The following KNTC1 variants were observed in gnomAD, a reference collection of about 807,000 sequenced individuals.
KNTC1 encodes kinetochore associated 1.
KNTC1 carries 253 observed loss-of-function variants against 314.4 expected under a neutral mutation model. That is an observed-to-expected ratio of 0.80 (90% CI 0.73 to 0.89). The LOEUF is 0.89. Ranked by LOEUF, KNTC1 falls within the 40% of genes least tolerant of loss-of-function variation. The pLI is 0.00. For synonymous variants in KNTC1, 901 were observed against 901.4 expected, an observed-to-expected ratio of 1.00 and a Z score of 0.01; for missense variants, 2,475 against 2,572.9, an observed-to-expected ratio of 0.96 and a Z score of 0.82.
At chr12:122,558,540 G>A (rs1242206347) in intron 18 of KNTC1, among the ~76,000 whole-genome samples, 3 of 151,964 alleles carry the variant, frequency 2.0e-5, no homozygotes, top group African/African-American at 7.3e-5. Flanking sequence ...GACAGAGCAA[G>A]ACTCCGTCTC....
Position 122,584,365 on chromosome 12 carries a change from T to C in KNTC1, c.3351T>C (p.Asn1117=), listed in dbSNP as rs370338706. 6.2e-7 allele frequency: 1 copy of C among 1,613,668 alleles called. No individual in the cohort carries two copies. Among genetic ancestry groups the C allele is most frequent in the Non-Finnish European group, 8.5e-7 (1 of 1,179,572 alleles). Residue 1117 remains asparagine, a synonymous_variant, in exon 35 of 64, where the codon AAT becomes AAC. Transcript: ENST00000333479. ...CQKLCQMLAD[N]VPVTVPVGLN... ...AGCTTTGTCAGATGTTGGCTGATAA[T>C]GTCCCAGTGACAGTGCCTGTGGGAC...
At position 122,591,295 on chromosome 12, in the gene KNTC1, T is replaced by C. The variant is rs149335556; in HGVS notation, c.4129-42T>C. On this transcript the variant is annotated intron_variant, in intron 41 of 63. Transcript: ENST00000333479. ...GTCTAAAAGGTGTTATAAGAATACA[T>C]TCTACTTACGATTGAACTTTAATTC... 156 of 996,982 alleles carry C rather than the reference T, an allele frequency of 1.6e-4. No homozygotes were observed. In the East Asian group the frequency reaches 2.9e-3, roughly 18 times the overall value. The allele number at this position is 996,982 out of a possible 1,614,324, so 61.8% of individuals were successfully genotyped here. A position where few individuals can be genotyped will look rare whatever the true frequency, so the allele number is the denominator to read the frequency against.
At chr12:122,591,922 G>T (rs141521919) in intron 42 of KNTC1, among the ~76,000 whole-genome samples, 1 of 152,232 alleles carries the variant, frequency 6.6e-6, no homozygotes, top group African/African-American at 2.4e-5. Context: ...CCACTTTGGC[G>T]GCACTTGAGG....
intron 9 of KNTC1, 55 bp downstream of exon 9, chr12:122,546,324 A>C: frequency 9.1e-7 from 1 of 1,093,630 alleles, no homozygotes; most frequent in Non-Finnish European, 1.4e-6. Flanking sequence ...TTTAATTTTT[A>C]TGTCAGTGTA....
At chr12:122,569,916 C>CGTG in intron 22 of KNTC1, 92 bp downstream of exon 22, 16 of 1,124,072 alleles carry the variant, frequency 1.4e-5, no homozygotes, top group Non-Finnish European at 1.8e-5. Context: ...CACCAGTTAA[C>CGTG]ACCAGTTAGT....
intron 43 of KNTC1, chr12:122,597,273 G>A (rs1282498336): frequency 7.7e-6 from 1 of 130,240 alleles, no homozygotes; most frequent in Non-Finnish European, 1.6e-5. Context: ...TTTTGAGATG[G>A]AGCCTTGCTC....
intron 56 of KNTC1, among the ~76,000 whole-genome samples, 177 bp downstream of exon 56, chr12:122,615,263 A>G (rs963094653): frequency 1.2e-4 from 19 of 152,238 alleles, no homozygotes; most frequent in African/African-American, 4.6e-4. Context: ...TGCAAAATCC[A>G]AAATGACATA....
At chr12:122,552,191 G>T (rs543013599) in intron 16 of KNTC1, among the ~76,000 whole-genome samples, 1 of 152,152 alleles carries the variant, frequency 6.6e-6, no homozygotes, top group South Asian at 2.1e-4. Context: ...TTACAGGTGT[G>T]AGCCACTGCA....
chr12:122,587,276 T>G (rs1183613982), intron 38 of KNTC1, among the ~76,000 whole-genome samples: 3 of 151,946 alleles, frequency 2.0e-5, no homozygotes, highest in Non-Finnish European at 4.4e-5. Flanking sequence ...ACCCTATCTC[T>G]AAAAAAACAA....
At chr12:122,548,313 G>T (rs1373099489) in intron 12 of KNTC1, among the ~76,000 whole-genome samples, 1 of 151,874 alleles carries the variant, frequency 6.6e-6, no homozygotes, top group Non-Finnish European at 1.5e-5. Flanking sequence ...GGGTTCAAAC[G>T]ATTCTCCTGC....
Position 122,557,625 on chromosome 12 carries a change from G to A in KNTC1, c.1424G>A (p.Cys475Tyr), listed in dbSNP as rs367561262. Residue 475 changes from cysteine (C) to tyrosine (Y), a missense_variant, in exon 18 of 64, where the codon TGC (cysteine) becomes TAC (tyrosine). Coordinates refer to ENST00000333479, the MANE Select transcript of KNTC1 (RefSeq NM_014708.6). Reference protein sequence around the residue: ...IQDDEFVVNYCLKAQWITYET... With the variant: ...IQDDEFVVNYYLKAQWITYET... ...GATGATGAATTTGTGGTGAATTACTGCCTGAAAGCTCAGTGGATAACCTAT... is the reference window on the plus strand; with the variant it reads ...GATGATGAATTTGTGGTGAATTACTACCTGAAAGCTCAGTGGATAACCTAT... 3 of 1,613,348 alleles carry A rather than the reference G, an allele frequency of 1.9e-6. No homozygotes were observed. Among genetic ancestry groups the A allele is most frequent in the Non-Finnish European group, 2.5e-6 (3 of 1,179,598 alleles).
At chr12:122,565,254 A>ATTT (rs1565961758) in intron 20 of KNTC1, among the ~76,000 whole-genome samples, 50 of 139,558 alleles carry the variant, frequency 3.6e-4, no homozygotes, top group East Asian at 1.7e-3. Flanking sequence ...TTTTTTTTTA[A>ATTT]AAAAAAAAAA....
chr12:122,588,068 TCA>T, intron 39 of KNTC1, among the ~76,000 whole-genome samples, 194 bp downstream of exon 39: 1 of 152,292 alleles, frequency 6.6e-6, no homozygotes, highest in East Asian at 1.9e-4. Context: ...ATTTTCATAC[TCA>T]TTCTTTGCAA....
intron 49 of KNTC1, 24 bp from the exon 50 acceptor site, chr12:122,604,853 T>A: frequency 6.4e-7 from 1 of 1,574,240 alleles, no homozygotes; most frequent in Non-Finnish European, 8.6e-7. Flanking sequence ...TAAGATTTTC[T>A]TTTTGCTTGG....
At chr12:122,557,536 G>A (rs1386607911) in intron 17 of KNTC1, 27 bp downstream of exon 17, 2 of 1,612,378 alleles carry the variant, frequency 1.2e-6, no homozygotes, top group Non-Finnish European at 1.7e-6. Flanking sequence ...ACATACTACA[G>A]TATTTAGATT....
At chr12:122,544,587 A>G (rs1355632129) in intron 8 of KNTC1, among the ~76,000 whole-genome samples, 1 of 152,214 alleles carries the variant, frequency 6.6e-6, no homozygotes, top group Non-Finnish European at 1.5e-5. Context: ...AAAACAGCAC[A>G]TTATTGCAGC....
chr12:122,597,028 G>A (rs1463230246), intron 43 of KNTC1, among the ~76,000 whole-genome samples: 2 of 151,794 alleles, frequency 1.3e-5, no homozygotes, highest in South Asian at 2.1e-4. Flanking sequence ...CTTTTTTGAT[G>A]TGTAGGCACT....
At chr12:122,563,462 G>C (rs1047360544) in intron 20 of KNTC1, among the ~76,000 whole-genome samples, 2 of 151,996 alleles carry the variant, frequency 1.3e-5, no homozygotes, top group Admixed American at 6.6e-5. Flanking sequence ...TATATTGCAA[G>C]GCATTATAGA....
At chr12:122,582,606 TA>T in intron 33 of KNTC1, 98 bp from the exon 34 acceptor site, 1 of 1,159,794 alleles carries the variant, frequency 8.6e-7, no homozygotes, top group Non-Finnish European at 1.2e-6. Flanking sequence ...GAATCTAAAA[TA>T]AAAGTTGAAA....
Sources: gnomAD v4.1 joint callset for allele counts (sites outside exome capture counted in the v4.1 genomes callset) on GRCh38, gnomAD v4.1.1 for gene constraint, MANE v1.5 for transcripts, NCBI Gene and HGNC (gene_info 2026-07-23, HGNC 2026-07-21) for gene names.